Variants in CHD1 observed in about 807,000 individuals in gnomAD.
CHD1 encodes the protein ATP-dependent chromatin remodeler CHD1.
In CHD1, 36 loss-of-function variants were observed where a neutral mutation model predicts 224.2. The observed-to-expected ratio is 0.16, with a 90% CI of 0.12 to 0.21. The LOEUF (loss-of-function observed/expected upper bound fraction) is 0.21, where lower values mean the gene tolerates loss of function less well. Ranked by LOEUF, CHD1 falls within the 10% of genes least tolerant of loss-of-function variation. The pLI, the probability that CHD1 is intolerant of heterozygous loss-of-function variation, is 1.00. For synonymous variants in CHD1, 668 were observed against 658.3 expected, an observed-to-expected ratio of 1.01 and a Z score of -0.23; for missense variants, 1,378 against 1,994.8, an observed-to-expected ratio of 0.69 and a Z score of 5.89.
intron 2 of CHD1, among the ~76,000 whole-genome samples, chr5:98,905,607 G>A (rs563139291): frequency 1.3e-5 from 2 of 152,210 alleles, no homozygotes; most frequent in East Asian, 3.9e-4. Flanking sequence ...CACTCCAGGA[G>A]AACATAATTT....
intron 32 of CHD1, chr5:98,860,278 T>C (rs1448700338): frequency 1.9e-6 from 1 of 526,692 alleles, no homozygotes; most frequent in East Asian, 4.3e-5. Flanking sequence ...TAAATTTTAC[T>C]TCTCTTCCAA....
chr5:98,901,694 C>A (rs529946378), intron 5 of CHD1, among the ~76,000 whole-genome samples: 54 of 151,016 alleles, frequency 3.6e-4, no homozygotes, highest in African/African-American at 1.3e-3. Flanking sequence ...TTGAAAAACA[C>A]CTGTTTAAAC....
At position 98,928,854 on chromosome 5, in the gene CHD1, T is replaced by C; in HGVS notation, c.-464A>G. On this transcript the variant is annotated 5_prime_UTR_variant, in exon 1 of 36. An upstream open reading frame in the 5' UTR loses its in-frame stop. Transcript: ENST00000614616. Reference sequence around the variant, plus strand: ...GCGCGCGCGCTCCCGCTCCCTCCGCTTATCTGCCCCCGGCAGCCGCCATGA... The same window carrying C: ...GCGCGCGCGCTCCCGCTCCCTCCGCCTATCTGCCCCCGGCAGCCGCCATGA... 1 of 154,790 alleles carries C rather than the reference T, an allele frequency of 6.5e-6. No homozygotes were observed. The allele number at this position is 154,790 out of a possible 1,614,324, so 9.6% of individuals were successfully genotyped here.
chr5:98,900,709 C>CA, intron 7 of CHD1, 102 bp downstream of exon 7: 1 of 1,045,834 alleles, frequency 9.6e-7, no homozygotes, highest in Non-Finnish European at 1.4e-6. Flanking sequence ...GCCTCGGCCC[C>CA]CCAAAGTACT....
At position 98,901,444 on chromosome 5, in the gene CHD1, G is replaced by A. The variant is rs555417311; in HGVS notation, c.438-109C>T. ...AACTATATTCGCTATCAAAAATACT[G>A]TTGCTTTTACTCATGCTAAAAATGA... is the stretch of plus-strand genomic sequence containing the variant. On this transcript the variant is annotated intron_variant, in intron 5 of 35. Coordinates refer to ENST00000614616, the MANE Select transcript of CHD1 (RefSeq NM_001270.4). The A allele has an allele frequency of 2.3e-4, 189 of 821,640 alleles. 5 individuals are homozygous for A. In the South Asian group the frequency reaches 3.0e-3, roughly 13 times the overall value. 50.9% of individuals were successfully genotyped at this position (821,640 alleles called of 1,614,324 possible).
chr5:98,900,745 C>T, intron 7 of CHD1, 66 bp downstream of exon 7: 2 of 1,422,266 alleles, frequency 1.4e-6, no homozygotes, highest in Non-Finnish European at 1.9e-6. Context: ...ACCCACTGTG[C>T]CCAGCCCTCT....
chr5:98,873,242 A>G (rs1443717564), intron 26 of CHD1, among the ~76,000 whole-genome samples: 1 of 152,092 alleles, frequency 6.6e-6, no homozygotes, highest in Non-Finnish European at 1.5e-5. Context: ...TTTGCATTAT[A>G]TTTTCCCAGT....
At position 98,903,825 on chromosome 5, in the gene CHD1, T is replaced by A. The variant is rs763765284; in HGVS notation, c.339A>T (p.Gln113His). Residue 113 changes from glutamine to histidine, a missense_variant, in exon 4 of 36, where the codon CAA becomes CAT. This residue lies in a region of CHD1 where 306 missense variants were observed against 298.1 expected (regional missense o/e 1.03). Coordinates refer to ENST00000614616, the MANE Select transcript of CHD1 (RefSeq NM_001270.4). The stretch of plus-strand genomic sequence containing the variant: ...ATCCGCTATTAGATGAGGCTTGATG[T>A]TGTTGTTGCTGCTGCTGCTGTTGCT... ...KKQQQQQQQQ[Q>H]HQASSNSGSE... 6.8e-6 allele frequency: 11 copies of A among 1,613,104 alleles called. No homozygotes were observed. Among genetic ancestry groups the A allele is most frequent in the East Asian group, 2.2e-5 (1 of 44,852 alleles).
intron 2 of CHD1, among the ~76,000 whole-genome samples, chr5:98,908,448 C>T (rs1752189303): frequency 6.6e-5 from 10 of 152,102 alleles, no homozygotes; most frequent in Admixed American, 6.6e-4. Flanking sequence ...TACCTAAGAC[C>T]TTATGTTCCT....
chr5:98,927,694 G>C (rs1580555674), intron 1 of CHD1, among the ~76,000 whole-genome samples: 3 of 152,284 alleles, frequency 2.0e-5, no homozygotes, highest in South Asian at 4.1e-4. Context: ...ATCTAAGTAT[G>C]TTAACAAACT....
chr5:98,860,122 T>C (rs1748350789), intron 32 of CHD1, 54 bp from the exon 33 acceptor site: 3 of 992,362 alleles, frequency 3.0e-6, no homozygotes, highest in Non-Finnish European at 4.8e-6. Context: ...AAATATTTAG[T>C]TTTTTTCATG....
chr5:98,913,754 GTTC>G (rs1752567525), intron 2 of CHD1, among the ~76,000 whole-genome samples: 1 of 151,210 alleles, frequency 6.6e-6, no homozygotes, highest in Non-Finnish European at 1.5e-5. Context: ...CAGATATTAG[GTTC>G]TTATTTAATC....
Position 98,876,548 on chromosome 5 carries a change from T to C in CHD1, c.3248A>G (p.Asn1083Ser), listed in dbSNP as rs373533676. Residue 1083 changes from asparagine to serine, a missense_variant, in exon 24 of 36, where the codon AAT becomes AGT. Physicochemically the swap from Asn to Ser is conservative, Grantham distance 46 (BLOSUM62 1). Around this residue, in one of 16 missense-constraint regions of CHD1, gnomAD observed 286 missense variants for 445.1 expected, o/e 0.64. Coordinates refer to ENST00000614616, the MANE Select transcript of CHD1 (RefSeq NM_001270.4). The stretch of plus-strand genomic sequence containing the variant: ...TCTACTGCGCCTCCCTTCACTTCCA[T>C]TGAAACTAATCTGGAATTGGAAAAT... ...MRNCAKQISFNGSEGRRSRSR... is the reference protein window; with the variant it reads ...MRNCAKQISFSGSEGRRSRSR... 7 of 1,613,220 alleles carry C rather than the reference T, an allele frequency of 4.3e-6. No homozygotes were observed. The highest frequency in any genetic ancestry group is 2.7e-5 in the African/African-American group (2 of 74,908).
Position 98,859,985 on chromosome 5 carries a change from C to T in CHD1, c.4511G>A (p.Arg1504Gln), listed in dbSNP as rs1038481532. 5 of 1,510,294 alleles carry T rather than the reference C, an allele frequency of 3.3e-6. No individual in the cohort carries two copies. In the African/African-American group the frequency reaches 4.3e-5, roughly 13 times the overall value. The allele number at this position is 1,510,294 out of a possible 1,614,324, so 93.6% of individuals were successfully genotyped here. A position where few individuals can be genotyped will look rare whatever the true frequency, so the allele number is the denominator to read the frequency against. ...TGTCAAGTTTACCTGAGACTCCTGC[C>T]GTTTTTTAATAGCATGCTTATATAA... The part of the protein sequence containing the change: ...HKLYKHAIKK[R>Q]QESQQNSDQN... The change falls in exon 33 of 36, where the codon CGG becomes CAG. Residue 1504 changes from arginine to glutamine, a missense_variant. Coordinates refer to ENST00000614616, the MANE Select transcript of CHD1 (RefSeq NM_001270.4).
intron 23 of CHD1, among the ~76,000 whole-genome samples, chr5:98,879,202 C>A (rs913744513): frequency 1.1e-4 from 16 of 151,942 alleles, no homozygotes; most frequent in Non-Finnish European, 2.4e-4. Flanking sequence ...CCACTGCACT[C>A]CAGCCTTGGC....
At chr5:98,900,682 G>C (rs2112520921) in intron 7 of CHD1, 129 bp downstream of exon 7, 1 of 751,584 alleles carries the variant, frequency 1.3e-6, no homozygotes, top group East Asian at 2.7e-5. Context: ...CTCAGGTCTA[G>C]AACTCCTGAT....
intron 2 of CHD1, among the ~76,000 whole-genome samples, chr5:98,925,870 A>C (rs1231126952): frequency 6.6e-6 from 1 of 150,696 alleles, no homozygotes; most frequent in Non-Finnish European, 1.5e-5. Context: ...ATGACTAAGT[A>C]AATTCTGAAT....
intron 5 of CHD1, among the ~76,000 whole-genome samples, chr5:98,901,678 G>A (rs1295487123): frequency 6.6e-6 from 1 of 151,128 alleles, no homozygotes; most frequent in Non-Finnish European, 1.5e-5. Flanking sequence ...TCGAGAGGTT[G>A]TGATTTTGAA....
rs1171123249 is a variant in CHD1 at position 98,890,504 on chromosome 5, T to C, written c.2181-1266A>G. Among the ~76,000 whole-genome samples the C allele has an allele frequency of 2.0e-5, 3 of 152,200 alleles. 1 individual carries two copies. Among genetic ancestry groups the C allele is most frequent in the South Asian group, 4.1e-4 (2 of 4,834 alleles). ...TCCAGAAATTTATGGCAGTATCTTA[T>C]TACCTTAGTTGCCAAAAAGTACCTT... On this transcript the variant is annotated intron_variant, in intron 15 of 35. Transcript: ENST00000614616.
Sources: gnomAD v4.1 joint callset for allele counts (sites outside exome capture counted in the v4.1 genomes callset) on GRCh38, gnomAD v4.1.1 for gene constraint, gnomAD v4.1.1 regional missense constraint, MANE v1.5 for transcripts, NCBI Gene and HGNC (gene_info 2026-07-23, HGNC 2026-07-21) for gene names.